Variants in DGKI observed in about 807,000 individuals in gnomAD.
DGKI encodes DAG kinase iota.
DGKI carries 55 observed loss-of-function variants against 147.5 expected under a neutral mutation model. The ratio of observed to expected loss-of-function variants is 0.37; its 90% CI spans 0.30 to 0.47. The LOEUF (loss-of-function observed/expected upper bound fraction) is 0.47, where lower values mean the gene tolerates loss of function less well. Ranked by LOEUF, DGKI falls within the 20% of genes least tolerant of loss-of-function variation. The pLI is 1.00. For synonymous variants in DGKI, 469 were observed against 477.1 expected (o/e 0.98, Z 0.22); for missense variants, 1,007 against 1,323.8 (o/e 0.76, Z 3.71).
At chr7:137,621,669 A>C (rs1251837275) in intron 7 of DGKI, among the ~76,000 whole-genome samples, 16 of 152,266 alleles carry the variant, frequency 1.1e-4, no homozygotes, top group Admixed American at 1.0e-3. Context: ...AGATAAGTGG[A>C]ACTGACCAAA....
rs538322224 is a variant in DGKI at position 137,398,030 on chromosome 7, T to C, written c.2921-617A>G. Among the ~76,000 whole-genome samples the C allele has an allele frequency of 3.3e-5, 5 of 152,320 alleles. No homozygotes were observed. In the East Asian group the frequency reaches 9.7e-4, roughly 29 times the overall value. On this transcript the variant is annotated intron_variant, in intron 30 of 32. Coordinates refer to ENST00000614521, the MANE Select transcript of DGKI (RefSeq NM_001321708.2). ...ATCTACAAACACTGCTTGGAATGTC[T>C]TCCTTTCTAGCTCTGTACCACTGCT...
intron 19 of DGKI, among the ~76,000 whole-genome samples, chr7:137,563,177 T>C (rs1241917319): frequency 6.7e-6 from 1 of 150,338 alleles, no homozygotes; most frequent in Non-Finnish European, 1.5e-5. Flanking sequence ...ATTTCACAGA[T>C]ACAAAAAACC....
intron 1 of DGKI, among the ~76,000 whole-genome samples, chr7:137,806,001 C>T (rs1024465570): frequency 6.6e-6 from 1 of 152,178 alleles, no homozygotes; most frequent in Non-Finnish European, 1.5e-5. Flanking sequence ...CAGATAAGAG[C>T]AAGGGGACAG....
intron 21 of DGKI, among the ~76,000 whole-genome samples, chr7:137,505,239 G>A (rs1816326178): frequency 6.6e-6 from 1 of 152,176 alleles, no homozygotes; most frequent in African/African-American, 2.4e-5. Flanking sequence ...CCACAGGACA[G>A]AAGGAAGCTG....
chr7:137,654,056 C>A (rs571620636), intron 5 of DGKI, among the ~76,000 whole-genome samples: 1 of 152,228 alleles, frequency 6.6e-6, no homozygotes, highest in Admixed American at 6.5e-5. Flanking sequence ...GTGCTGTCTC[C>A]TCTTGTCATA....
intron 1 of DGKI, among the ~76,000 whole-genome samples, chr7:137,697,004 G>A (rs910654833): frequency 6.6e-6 from 1 of 152,182 alleles, no homozygotes; most frequent in African/African-American, 2.4e-5. Flanking sequence ...GAACACTGAA[G>A]ATTGCCAGCA....
intron 6 of DGKI, among the ~76,000 whole-genome samples, chr7:137,635,135 C>T (rs1821265139): frequency 6.6e-6 from 1 of 152,130 alleles, no homozygotes; most frequent in South Asian, 2.1e-4. Context: ...ACGCAGGTAC[C>T]ATACTGTGTC....
Position 137,663,176 on chromosome 7 carries a change from T to C in DGKI, c.607-6636A>G, listed in dbSNP as rs1029370223. Among the ~76,000 whole-genome samples, 3 of 152,332 alleles carry C rather than the reference T, an allele frequency of 2.0e-5. No individual in the cohort carries two copies. In the South Asian group the frequency reaches 6.2e-4, roughly 32 times the overall value. On this transcript the variant is annotated intron_variant, in intron 3 of 32. Coordinates refer to ENST00000614521, the MANE Select transcript of DGKI (RefSeq NM_001321708.2). Reference sequence around the variant, plus strand: ...AACCATCACTATGTGTATAAGACTATGTGAGTGCTGTACAGGATATAAACA... The same window carrying C: ...AACCATCACTATGTGTATAAGACTACGTGAGTGCTGTACAGGATATAAACA...
At chr7:137,441,420 C>CAAAAAAAA (rs538892825) in intron 28 of DGKI, among the ~76,000 whole-genome samples, 1 of 67,554 alleles carries the variant, frequency 1.5e-5, no homozygotes, top group Non-Finnish European at 3.0e-5. Context: ...GACTCCGTCT[C>CAAAAAAAA]AAAAAAAAAA....
chr7:137,438,026 C>A (rs967946528), intron 28 of DGKI, among the ~76,000 whole-genome samples: 5 of 151,916 alleles, frequency 3.3e-5, no homozygotes, highest in Non-Finnish European at 5.9e-5. Flanking sequence ...TGAAAGATTT[C>A]TTTAAAAAAT....
At chr7:137,703,559 A>G (rs1436727874) in intron 1 of DGKI, among the ~76,000 whole-genome samples, 1 of 152,234 alleles carries the variant, frequency 6.6e-6, no homozygotes, top group African/African-American at 2.4e-5. Context: ...AGCCACTTGA[A>G]AAAATTGGGG....
chr7:137,548,739 G>A (rs958092504), intron 20 of DGKI, among the ~76,000 whole-genome samples: 23 of 152,138 alleles, frequency 1.5e-4, no homozygotes, highest in Admixed American at 2.6e-4. Flanking sequence ...AGGCTGAGGC[G>A]GGCAGATCAC....
At chr7:137,763,594 C>G (rs919478290) in intron 1 of DGKI, among the ~76,000 whole-genome samples, 1 of 152,230 alleles carries the variant, frequency 6.6e-6, no homozygotes, top group African/African-American at 2.4e-5. Flanking sequence ...CCAAAGTATC[C>G]TCATTTTTGA....
At position 137,505,110 on chromosome 7, in the gene DGKI, C is replaced by T. The variant is rs1262788116; in HGVS notation, c.2248+16756G>A. Among the ~76,000 whole-genome samples, 3 of 117,394 alleles carry T rather than the reference C, an allele frequency of 2.6e-5. No individual in the cohort carries two copies. In the East Asian group the frequency reaches 7.1e-4, roughly 28 times the overall value. 77.0% of individuals were successfully genotyped at this position (117,394 alleles called of 152,430 possible). On this transcript the variant is annotated intron_variant, in intron 21 of 32. Coordinates refer to ENST00000614521, the MANE Select transcript of DGKI (RefSeq NM_001321708.2). The stretch of plus-strand genomic sequence containing the variant: ...ATAGACAAAGGGGGGGAACATCCCA[C>T]ACTGGGGCCTTTCTGGGGGTGGGGG...
chr7:137,575,565 G>A (rs1047376354), intron 17 of DGKI, among the ~76,000 whole-genome samples: 1 of 152,180 alleles, frequency 6.6e-6, no homozygotes, highest in Admixed American at 6.5e-5. Context: ...ACACTGGAAA[G>A]GGCAGTAAAG....
At chr7:137,648,300 A>G (rs533146853) in intron 5 of DGKI, among the ~76,000 whole-genome samples, 3 of 152,352 alleles carry the variant, frequency 2.0e-5, no homozygotes, top group East Asian at 3.9e-4. Flanking sequence ...ATTTGATGCA[A>G]TTACCTGTGT....
chr7:137,554,787 G>A (rs113394827), intron 19 of DGKI, among the ~76,000 whole-genome samples: 2 of 151,712 alleles, frequency 1.3e-5, no homozygotes, highest in Admixed American at 6.6e-5. Context: ...CAAAGTACCC[G>A]AAGGAAAAAA....
intron 1 of DGKI, among the ~76,000 whole-genome samples, chr7:137,788,465 A>G (rs889360486): frequency 2.0e-5 from 3 of 151,494 alleles, no homozygotes; most frequent in Admixed American, 1.3e-4. Flanking sequence ...TCGAAATCCA[A>G]CCTCCCAGAC....
chr7:137,715,725 G>A (rs1285980708), intron 1 of DGKI, among the ~76,000 whole-genome samples: 3 of 152,204 alleles, frequency 2.0e-5, no homozygotes, highest in Admixed American at 1.3e-4. Flanking sequence ...GTATAACTCA[G>A]AAATACTCTG....
Sources: gnomAD v4.1 joint callset for allele counts (sites outside exome capture counted in the v4.1 genomes callset) on GRCh38, gnomAD v4.1.1 for gene constraint, MANE v1.5 for transcripts, NCBI Gene and HGNC (gene_info 2026-07-23, HGNC 2026-07-21) for gene names.